SLC44A5: variants seen among roughly 807,000 people sequenced by gnomAD.
SLC44A5 encodes the protein solute carrier family 44 member 5.
SLC44A5 carries 57 observed loss-of-function variants against 101.8 expected under a neutral mutation model. The observed-to-expected ratio is 0.56, with a 90% CI of 0.45 to 0.70. The LOEUF (loss-of-function observed/expected upper bound fraction) is 0.70, where lower values mean the gene tolerates loss of function less well. SLC44A5 is among the 30% of genes least tolerant of loss of function. The pLI, the probability that SLC44A5 is intolerant of heterozygous loss-of-function variation, is 0.00. For missense variants in SLC44A5, 737 were observed against 853.1 expected, an observed-to-expected ratio of 0.86 and a Z score of 1.70; for synonymous variants, 281 against 290.9, an observed-to-expected ratio of 0.97 and a Z score of 0.35.
intron 3 of SLC44A5, among the ~76,000 whole-genome samples, chr1:75,347,284 G>C (rs897162752): frequency 1.3e-5 from 2 of 152,070 alleles, no homozygotes; most frequent in African/African-American, 2.4e-5. Flanking sequence ...TATCAACTCT[G>C]ACTTTTGCCA....
chr1:75,429,515 A>T (rs548653586), intron 2 of SLC44A5, among the ~76,000 whole-genome samples: 22 of 152,312 alleles, frequency 1.4e-4, no homozygotes, highest in Non-Finnish European at 2.9e-4. Flanking sequence ...ATTTGTGGGC[A>T]TAAGTGTTGG....
intron 2 of SLC44A5, among the ~76,000 whole-genome samples, chr1:75,457,556 C>T (rs1666256178): frequency 6.6e-6 from 1 of 152,056 alleles, no homozygotes; most frequent in African/African-American, 2.4e-5. Flanking sequence ...ATATTCAAGG[C>T]ATTATAAAAA....
At chr1:75,584,692 C>T (rs1335784041) in intron 1 of SLC44A5, among the ~76,000 whole-genome samples, 1 of 152,026 alleles carries the variant, frequency 6.6e-6, no homozygotes, top group Non-Finnish European at 1.5e-5. Flanking sequence ...GATTCTCATG[C>T]CTCAGCATTC....
At chr1:75,580,141 AGAC>A in intron 1 of SLC44A5, among the ~76,000 whole-genome samples, 1 of 152,296 alleles carries the variant, frequency 6.6e-6, no homozygotes, top group East Asian at 1.9e-4. Context: ...AAATAAAAAA[AGAC>A]TACCTACAGC....
the SLC44A5 span, among the ~76,000 whole-genome samples, chr1:75,699,747 T>C: frequency 4.6e-5 from 7 of 152,108 alleles, no homozygotes; most frequent in Non-Finnish European, 7.3e-5. Context: ...CAGTGTGCTA[T>C]ATTCAGGAAA....
chr1:75,334,712 G>A (rs1657309306), intron 4 of SLC44A5, among the ~76,000 whole-genome samples: 1 of 152,148 alleles, frequency 6.6e-6, no homozygotes. Context: ...GAACTATCAA[G>A]TAGAAAGTCA....
At position 75,225,391 on chromosome 1, in the gene SLC44A5, C is replaced by T. The variant is rs567354673; in HGVS notation, c.985+2335G>A. Among the ~76,000 whole-genome samples the T allele has an allele frequency of 2.8e-4, 42 of 152,200 alleles. No individual in the cohort carries two copies. In the South Asian group the frequency reaches 4.8e-3, roughly 17 times the overall value. ...TTGCCTAACAATGCATTTCTCAGAACGTATTTCTCTCATTAAGCAACACAT... is the reference window on the plus strand; with the variant it reads ...TTGCCTAACAATGCATTTCTCAGAATGTATTTCTCTCATTAAGCAACACAT... On this transcript the variant is annotated intron_variant, in intron 13 of 23. Transcript: ENST00000370859.
chr1:75,590,661 C>T (rs1466791440), intron 1 of SLC44A5, among the ~76,000 whole-genome samples: 1 of 152,178 alleles, frequency 6.6e-6, no homozygotes, highest in Non-Finnish European at 1.5e-5. Flanking sequence ...GGCTGATAGT[C>T]TGGCAGTAGT....
At chr1:75,682,044 C>A in the SLC44A5 span, among the ~76,000 whole-genome samples, 1 of 152,266 alleles carries the variant, frequency 6.6e-6, no homozygotes, top group South Asian at 2.1e-4. Context: ...ATCCAACTTA[C>A]AAAGGATGTG....
At chr1:75,253,279 C>A (rs1302385585) in intron 6 of SLC44A5, among the ~76,000 whole-genome samples, 1 of 152,132 alleles carries the variant, frequency 6.6e-6, no homozygotes, top group East Asian at 1.9e-4. Flanking sequence ...TTGGCAGAGT[C>A]AAACCTGAGC....
chr1:75,231,896 C>T (rs1317722952), intron 12 of SLC44A5, among the ~76,000 whole-genome samples: 1 of 152,120 alleles, frequency 6.6e-6, no homozygotes, highest in Non-Finnish European at 1.5e-5. Context: ...TAAACACTTG[C>T]CCACAAACAG....
intron 2 of SLC44A5, among the ~76,000 whole-genome samples, chr1:75,445,155 G>C (rs1165801172): frequency 6.6e-6 from 1 of 152,130 alleles, no homozygotes; most frequent in Non-Finnish European, 1.5e-5. Flanking sequence ...TGGGTCATGG[G>C]AGTGGATCCC....
chr1:75,300,014 CAAAAAAAAAAA>C lies in SLC44A5; in HGVS notation c.175+587_175+597del, dbSNP rs35608663. On this transcript the variant is annotated intron_variant, in intron 5 of 23. Coordinates refer to ENST00000370859, the MANE Select transcript of SLC44A5 (RefSeq NM_001130058.2). ...CTGGGAACACAGTGAGACTCTGTCT[CAAAAAAAAAAA>C]AAAAAAAAAAAAAAAATTTCAAATA... Among the ~76,000 whole-genome samples the C allele has an allele frequency of 3.7e-3, 343 of 93,772 alleles. 2 individuals carry two copies. The highest frequency in any genetic ancestry group is 0.013 in the African/African-American group (247 of 18,548). The allele number at this position is 93,772 out of a possible 152,430, so 61.5% of individuals were successfully genotyped here. A position where few individuals can be genotyped will look rare whatever the true frequency, so the allele number is the denominator to read the frequency against.
intron 5 of SLC44A5, among the ~76,000 whole-genome samples, chr1:75,278,918 A>G (rs906352352): frequency 3.3e-5 from 5 of 151,988 alleles, no homozygotes; most frequent in African/African-American, 1.2e-4. Flanking sequence ...TTTATTTTAT[A>G]TTGTTATTGA....
chr1:75,465,018 T>C lies in SLC44A5; in HGVS notation c.14-68397A>G, dbSNP rs1666737078. Among the ~76,000 whole-genome samples the C allele has an allele frequency of 2.0e-5, 3 of 152,310 alleles. No homozygotes were observed. The South Asian group carries it at 6.2e-4, about 32-fold the overall frequency. ...CAACAAAGAAACATCATACTTCATCTGCACTATAGACCAAATGGATCTAAT... is the reference window on the plus strand; with the variant it reads ...CAACAAAGAAACATCATACTTCATCCGCACTATAGACCAAATGGATCTAAT... On this transcript the variant is annotated intron_variant, in intron 2 of 23. Transcript: ENST00000370859.
chr1:75,586,387 T>TG (rs67069643), intron 1 of SLC44A5, among the ~76,000 whole-genome samples: 22,302 of 130,136 alleles, frequency 0.17, 1,881 homozygotes, highest in Admixed American at 0.26. Context: ...GTGTGTGTGT[T>TG]TGTGTGTATC....
chr1:75,260,339 A>G (rs1044498144), intron 6 of SLC44A5, among the ~76,000 whole-genome samples: 7 of 152,158 alleles, frequency 4.6e-5, no homozygotes, highest in South Asian at 2.1e-4. Context: ...AATATTTACT[A>G]AGCAAATGGA....
chr1:75,310,094 T>C (rs550724654), intron 4 of SLC44A5, among the ~76,000 whole-genome samples: 5 of 152,346 alleles, frequency 3.3e-5, no homozygotes, highest in South Asian at 2.1e-4. Context: ...ATAATCTCCA[T>C]GTAATAAAGT....
At chr1:75,444,461 GAAA>G (rs1426715454) in intron 2 of SLC44A5, among the ~76,000 whole-genome samples, 1 of 121,122 alleles carries the variant, frequency 8.3e-6, no homozygotes, top group African/African-American at 3.0e-5. Context: ...GAAAGAAAAA[GAAA>G]AAAAGAAAGA....
Sources: gnomAD v4.1 joint callset for allele counts (sites outside exome capture counted in the v4.1 genomes callset) on GRCh38, gnomAD v4.1.1 for gene constraint, MANE v1.5 for transcripts, NCBI Gene and HGNC (gene_info 2026-07-23, HGNC 2026-07-21) for gene names.